Variants in LRRK2 observed in about 807,000 individuals in gnomAD.
The protein encoded by LRRK2 is leucine-rich repeat serine/threonine-protein kinase 2.
LRRK2 carries 203 observed loss-of-function variants against 302.6 expected under a neutral mutation model. The observed-to-expected ratio is 0.67, with a 90% CI of 0.60 to 0.75. The LOEUF (loss-of-function observed/expected upper bound fraction) is 0.75, where lower values mean the gene tolerates loss of function less well. Among genes scored for constraint, LRRK2 ranks in the 30% least tolerant of loss-of-function variants. The pLI is 0.00. For synonymous variants in LRRK2, 1,066 were observed against 1,031.9 expected (o/e 1.03, Z -0.63); for missense variants, 2,830 against 2,951.0 (o/e 0.96, Z 0.95).
At chr12:40,312,760 C>T (rs544984444) in intron 31 of LRRK2, 3 of 151,924 alleles carry the variant, frequency 2.0e-5, no homozygotes, top group Admixed American at 1.3e-4. Flanking sequence ...TAAAACTCAT[C>T]CCGTTTCTAC....
In LRRK2 at chr12:40,366,998, T is replaced by C. The variant is rs1170087527; in HGVS notation, c.7391-8T>C. ...AACAGAAAACTTACATATTTTGTTT[T>C]TGTAAAGGAAGCCTTAAAAATGTCA... On this transcript the variant is annotated splice_region_variant and splice_polypyrimidine_tract_variant and intron_variant, in intron 49 of 50. Transcript: ENST00000298910. 2 of 1,607,048 alleles carry C rather than the reference T, an allele frequency of 1.2e-6. No individual in the cohort carries two copies. The highest frequency in any genetic ancestry group is 1.7e-6 in the Non-Finnish European group (2 of 1,174,852).
intron 14 of LRRK2, among the ~76,000 whole-genome samples, chr12:40,273,494 G>A (rs900906679): frequency 6.6e-6 from 1 of 152,156 alleles, no homozygotes; most frequent in Non-Finnish European, 1.5e-5. Context: ...AGAGGCATTA[G>A]GGGACTAGAC....
At chr12:40,363,976 C>A (rs1020380539) in intron 48 of LRRK2, among the ~76,000 whole-genome samples, 2 of 151,652 alleles carry the variant, frequency 1.3e-5, no homozygotes, top group Non-Finnish European at 2.9e-5. Context: ...ATGGACTGAC[C>A]GAGGCGCTAA....
At chr12:40,253,136 A>ATC (rs1457965510) in intron 11 of LRRK2, 120 bp downstream of exon 11, 1 of 676,690 alleles carries the variant, frequency 1.5e-6, no homozygotes, top group Non-Finnish European at 2.6e-6. Flanking sequence ...TGTGAAAGAT[A>ATC]TCTCTATGTG....
intron 33 of LRRK2, chr12:40,316,430 G>A: frequency 1.4e-6 from 1 of 707,458 alleles, no homozygotes; most frequent in Non-Finnish European, 1.7e-6. Context: ...TAGATTTTCA[G>A]CCTTCTGCAC....
chr12:40,341,793 T>C (rs1195801944), intron 41 of LRRK2, among the ~76,000 whole-genome samples: 2 of 152,208 alleles, frequency 1.3e-5, no homozygotes, highest in East Asian at 3.8e-4. Context: ...TGGCTTTAAA[T>C]TCTATAGTCT....
At chr12:40,239,344 G>A (rs890408922) in intron 5 of LRRK2, among the ~76,000 whole-genome samples, 9 of 152,126 alleles carry the variant, frequency 5.9e-5, no homozygotes, top group Non-Finnish European at 1.3e-4. Flanking sequence ...ATGTATAAAT[G>A]TTCTATCTTG....
At chr12:40,235,748 A>C in intron 4 of LRRK2, 34 bp downstream of exon 4, 4 of 1,322,598 alleles carry the variant, frequency 3.0e-6, no homozygotes, top group South Asian at 1.2e-5. Context: ...TGTTGATTCA[A>C]ATTAAAAAAA....
intron 20 of LRRK2, among the ~76,000 whole-genome samples, chr12:40,291,431 A>AAT (rs57902292): frequency 0.069 from 10,167 of 146,296 alleles, 590 homozygotes; most frequent in Admixed American, 0.15. Flanking sequence ...AGTATAATAA[A>AAT]ATATATATAT....
Position 40,239,773 on chromosome 12 carries a change from T to C in LRRK2, c.572-710T>C, listed in dbSNP as rs17490678. 4.7e-3 allele frequency among the ~76,000 whole-genome samples: 721 copies of C among 152,136 alleles called. 4 individuals carry two copies. The highest frequency in any genetic ancestry group is 0.016 in the African/African-American group (673 of 41,542). ...ACTTAACTGATTTCACATTATATTA[T>C]AGGGACACTCTGGCATAAAATTAAA... On this transcript the variant is annotated intron_variant, in intron 5 of 50. Transcript: ENST00000298910.
chr12:40,262,305 A>G (rs1942806178), intron 13 of LRRK2, among the ~76,000 whole-genome samples: 2 of 152,160 alleles, frequency 1.3e-5, no homozygotes, highest in African/African-American at 2.4e-5. Flanking sequence ...TTCTGATTCT[A>G]ACAGCACTCC....
At chr12:40,228,092 A>G (rs1423791221) in intron 2 of LRRK2, among the ~76,000 whole-genome samples, 5 of 152,280 alleles carry the variant, frequency 3.3e-5, no homozygotes, top group South Asian at 4.1e-4. Flanking sequence ...TTTTTTGGAT[A>G]TATACCCAGC....
chr12:40,342,987 T>C (rs1185405172), intron 41 of LRRK2, among the ~76,000 whole-genome samples: 1 of 152,168 alleles, frequency 6.6e-6, no homozygotes, highest in East Asian at 1.9e-4. Context: ...GTGCTATTAT[T>C]ATTTCTAGTC....
At chr12:40,310,326 C>T (rs2136825650) in intron 30 of LRRK2, 105 bp from the exon 31 acceptor site, 1 of 1,078,104 alleles carries the variant, frequency 9.3e-7, no homozygotes, top group Non-Finnish European at 1.4e-6. Context: ...CTGCTAGTTT[C>T]TCTTTTCCAT....
intron 29 of LRRK2, 105 bp downstream of exon 29, chr12:40,308,801 T>A (rs1944925121): frequency 1.9e-6 from 2 of 1,079,400 alleles, no homozygotes; most frequent in South Asian, 2.7e-5. Flanking sequence ...TGGTAGACTG[T>A]ATGGAATTAT....
chr12:40,315,362 C>T (rs1292591665), intron 33 of LRRK2, 62 bp downstream of exon 33: 1 of 1,338,094 alleles, frequency 7.5e-7, no homozygotes. Context: ...AGATGGCGCC[C>T]AGAGCATTGA....
chr12:40,334,972 T>C lies in LRRK2; in HGVS notation c.5763T>C (p.Leu1921=). The C allele has an allele frequency of 6.2e-7, 1 of 1,613,942 alleles. No individual in the cohort carries two copies. The highest frequency in any genetic ancestry group is 8.5e-7 in the Non-Finnish European group (1 of 1,179,968). ...ATGATTTTGGACTTTTGCAGGAGCT[T>C]GTGGTGCTTTGCCACCTCCACCACC... ...HTSLRLLRQE[L]VVLCHLHHPS... Residue 1921 remains leucine (L), a synonymous_variant, in exon 40 of 51, where the codon CTT becomes CTC. Coordinates refer to ENST00000298910, the MANE Select transcript of LRRK2 (RefSeq NM_198578.4).
intron 14 of LRRK2, among the ~76,000 whole-genome samples, chr12:40,270,353 T>C (rs1943180963): frequency 6.6e-6 from 1 of 152,176 alleles, no homozygotes; most frequent in African/African-American, 2.4e-5. Context: ...TTTATCTTAC[T>C]CCTACCGTTA....
intron 11 of LRRK2, among the ~76,000 whole-genome samples, chr12:40,253,767 T>C (rs1199072633): frequency 6.6e-6 from 1 of 152,212 alleles, no homozygotes; most frequent in African/African-American, 2.4e-5. Flanking sequence ...AGTTTTAGTT[T>C]GTGTCCAGTG....
Sources: allele counts gnomAD v4.1 joint callset (sites outside exome capture counted in the v4.1 genomes callset), GRCh38; gene constraint gnomAD v4.1.1; transcripts MANE v1.5; gene names NCBI Gene and HGNC (gene_info 2026-07-23, HGNC 2026-07-21).